Variants in TMEFF2 observed in about 807,000 individuals in gnomAD.
TMEFF2 encodes transmembrane protein with EGF like and two follistatin like domains 2.
TMEFF2 carries 28 observed loss-of-function variants against 53.8 expected under a neutral mutation model. The observed-to-expected ratio is 0.52, with a 90% CI of 0.39 to 0.71. The LOEUF (loss-of-function observed/expected upper bound fraction) is 0.71, where lower values mean the gene tolerates loss of function less well. Ranked by LOEUF, TMEFF2 falls within the 30% of genes least tolerant of loss-of-function variation. The pLI is 0.00. For missense variants in TMEFF2, 353 were observed against 455.2 expected (o/e 0.78, Z 2.04); for synonymous variants, 162 against 166.3 (o/e 0.97, Z 0.20).
chr2:192,100,613 A>G (rs1689011212), intron 4 of TMEFF2, among the ~76,000 whole-genome samples: 1 of 152,162 alleles, frequency 6.6e-6, no homozygotes, highest in Non-Finnish European at 1.5e-5. Context: ...CCAAAAACCA[A>G]CTAGTGGCTT....
chr2:192,151,148 G>A (rs1489443821), intron 4 of TMEFF2, among the ~76,000 whole-genome samples: 1 of 151,680 alleles, frequency 6.6e-6, no homozygotes, highest in Admixed American at 6.6e-5. Flanking sequence ...TGTAAGACAT[G>A]CCTCTTCCCC....
intron 4 of TMEFF2, among the ~76,000 whole-genome samples, chr2:192,157,522 T>G (rs1468786253): frequency 6.6e-6 from 1 of 152,086 alleles, no homozygotes; most frequent in East Asian, 1.9e-4. Context: ...AGTGTAACAC[T>G]TATTTGGATA....
chr2:192,009,036 T>A (rs1466989449), intron 5 of TMEFF2, among the ~76,000 whole-genome samples: 1 of 152,204 alleles, frequency 6.6e-6, no homozygotes, highest in Non-Finnish European at 1.5e-5. Context: ...GGCCACTACA[T>A]TGTTCAGGTG....
At chr2:192,025,751 G>A (rs993159574) in intron 5 of TMEFF2, among the ~76,000 whole-genome samples, 13 of 152,100 alleles carry the variant, frequency 8.5e-5, no homozygotes, top group Non-Finnish European at 1.6e-4. Flanking sequence ...TTTAGGTGTG[G>A]TACTATTCTA....
intron 4 of TMEFF2, among the ~76,000 whole-genome samples, chr2:192,150,912 T>C (rs1331343282): frequency 6.6e-6 from 1 of 151,872 alleles, no homozygotes; most frequent in Non-Finnish European, 1.5e-5. Context: ...AAGGATTCAT[T>C]ACTTTGGTGA....
intron 7 of TMEFF2, among the ~76,000 whole-genome samples, chr2:191,983,907 T>C (rs1685914683): frequency 6.6e-6 from 1 of 152,228 alleles, no homozygotes; most frequent in East Asian, 1.9e-4. Flanking sequence ...AGAACTTTTC[T>C]TTTCCAAGAA....
At chr2:192,143,058 G>A (rs554456059) in intron 4 of TMEFF2, among the ~76,000 whole-genome samples, 1 of 152,230 alleles carries the variant, frequency 6.6e-6, no homozygotes, top group East Asian at 1.9e-4. Flanking sequence ...ATCAGATCTA[G>A]CATGTATGGA....
chr2:192,062,643 T>C (rs990991925), intron 4 of TMEFF2, among the ~76,000 whole-genome samples: 1 of 152,136 alleles, frequency 6.6e-6, no homozygotes, highest in Admixed American at 6.6e-5. Context: ...TTGTCAGATA[T>C]ATGTGTTGCA....
At chr2:191,977,327 AC>A (rs1685754265) in intron 7 of TMEFF2, among the ~76,000 whole-genome samples, 1 of 152,316 alleles carries the variant, frequency 6.6e-6, no homozygotes, top group Admixed American at 6.5e-5. Context: ...CAAAGGCGGC[AC>A]CCACTAACCA....
intron 4 of TMEFF2, among the ~76,000 whole-genome samples, chr2:192,135,746 C>G (rs1301523021): frequency 4.6e-5 from 7 of 152,074 alleles, no homozygotes; most frequent in Non-Finnish European, 8.8e-5. Context: ...CCCAGATGGC[C>G]TGAAGTAACT....
At chr2:192,050,930 C>T (rs1005757248) in intron 5 of TMEFF2, among the ~76,000 whole-genome samples, 4 of 152,092 alleles carry the variant, frequency 2.6e-5, no homozygotes, top group African/African-American at 9.7e-5. Flanking sequence ...ATATGTGCTT[C>T]CCTAAGTCAG....
chr2:192,187,091 T>C (rs1691333081), intron 2 of TMEFF2, among the ~76,000 whole-genome samples: 1 of 152,172 alleles, frequency 6.6e-6, no homozygotes, highest in South Asian at 2.1e-4. Flanking sequence ...AGACTTGCAC[T>C]TATTAATATG....
At chr2:191,971,454 A>G (rs748953194) in intron 7 of TMEFF2, among the ~76,000 whole-genome samples, 4 of 152,336 alleles carry the variant, frequency 2.6e-5, no homozygotes, top group Admixed American at 6.5e-5. Flanking sequence ...CAAAATAGGT[A>G]TGTTCAGAGT....
intron 5 of TMEFF2, among the ~76,000 whole-genome samples, chr2:192,002,030 A>ATTTG (rs1364296596): frequency 1.5e-5 from 2 of 129,652 alleles, no homozygotes; most frequent in Non-Finnish European, 3.0e-5. Context: ...TTATTTATTT[A>ATTTG]TTTATTATTT....
intron 7 of TMEFF2, among the ~76,000 whole-genome samples, chr2:191,961,463 T>C (rs1335845349): frequency 6.6e-6 from 1 of 152,132 alleles, no homozygotes; most frequent in Non-Finnish European, 1.5e-5. Context: ...AACTCCAGTA[T>C]TGAAATATTC....
chr2:192,003,938 G>GGGC (rs56274230), intron 5 of TMEFF2, among the ~76,000 whole-genome samples: 4 of 145,758 alleles, frequency 2.7e-5, no homozygotes, highest in Non-Finnish European at 6.1e-5. Context: ...TGGGGGGGGG[G>GGGC]CTCACACTCA....
chr2:191,964,199 T>A (rs1333570825), intron 7 of TMEFF2, among the ~76,000 whole-genome samples: 2 of 151,622 alleles, frequency 1.3e-5, no homozygotes, highest in East Asian at 3.9e-4. Context: ...CCTTCCTTTC[T>A]CTTTCTTTCT....
chr2:192,102,371 CAA>C (rs1424895301), intron 4 of TMEFF2, among the ~76,000 whole-genome samples: 3 of 152,096 alleles, frequency 2.0e-5, no homozygotes, highest in Non-Finnish European at 4.4e-5. Flanking sequence ...GAATAAAACA[CAA>C]AGTCTTAACC....
At position 192,194,243 on chromosome 2, in the gene TMEFF2, G is replaced by A; in HGVS notation, c.172+110C>T. ...AGGTGGGTGGTATTAGGGGTCTAGG[G>A]CAGTAGGAGGTGAGGGGCTGAGGAG... On this transcript the variant is annotated intron_variant, in intron 1 of 9. Transcript: ENST00000272771. This position sits in a 1 kb window ranked among gnomAD's most constrained non-coding sequence, Gnocchi z 4.2. 2.3e-6 allele frequency: 3 copies of A among 1,291,262 alleles called. No homozygotes were observed. Among genetic ancestry groups the A allele is most frequent in the Non-Finnish European group, 3.3e-6 (3 of 910,188 alleles). 80.0% of individuals were successfully genotyped at this position (1,291,262 alleles called of 1,614,324 possible). A position where few individuals can be genotyped will look rare whatever the true frequency, so the allele number is the denominator to read the frequency against.
Sources: allele counts gnomAD v4.1 joint callset (sites outside exome capture counted in the v4.1 genomes callset), GRCh38; gene constraint gnomAD v4.1.1; non-coding constraint Gnocchi (gnomAD v3.1); transcripts MANE v1.5; gene names NCBI Gene and HGNC (gene_info 2026-07-23, HGNC 2026-07-21).